CEP83: variants seen among roughly 807,000 people sequenced by gnomAD.
The protein encoded by CEP83 is centrosomal protein 83.
Under a neutral mutation model 101.9 loss-of-function variants are expected in CEP83, and 70 were observed. That is an observed-to-expected ratio of 0.69 (90% CI 0.57 to 0.84). The LOEUF is 0.84. Among genes scored for constraint, CEP83 ranks in the 40% least tolerant of loss-of-function variants. The pLI, the probability that CEP83 is intolerant of heterozygous loss-of-function variation, is 0.00. For synonymous variants in CEP83, 264 were observed against 267.9 expected (o/e 0.99, Z 0.14); for missense variants, 715 against 787.2 (o/e 0.91, Z 1.10).
the CEP83 span, among the ~76,000 whole-genome samples, chr12:94,289,844 A>G: frequency 6.6e-6 from 1 of 152,126 alleles, no homozygotes; most frequent in Non-Finnish European, 1.5e-5. Context: ...ACTCACACAT[A>G]CGCGCTCACA....
At chr12:94,311,041 C>A (rs1469947046) in intron 15 of CEP83, among the ~76,000 whole-genome samples, 1 of 152,140 alleles carries the variant, frequency 6.6e-6, no homozygotes, top group African/African-American at 2.4e-5. Context: ...CACTCTCCAA[C>A]CCCACCCCAT....
At chr12:94,435,468 C>T (rs1339281848) in intron 1 of CEP83, 141 bp from the exon 2 acceptor site, 2 of 152,256 alleles carry the variant, frequency 1.3e-5, no homozygotes, top group Admixed American at 6.5e-5. Flanking sequence ...GAGAGACAGA[C>T]CCTTTGAAAA....
At chr12:94,424,436 C>A in intron 2 of CEP83, 1 of 1,614,032 alleles carries the variant, frequency 6.2e-7, no homozygotes, top group Non-Finnish European at 8.5e-7. Flanking sequence ...CCTTGCAAAG[C>A]CAACACCTCT....
intron 2 of CEP83, chr12:94,423,611 G>T: frequency 6.5e-7 from 1 of 1,543,054 alleles, no homozygotes; most frequent in Non-Finnish European, 8.7e-7. Context: ...TGTGAAAAAC[G>T]ATGGCTAAGT....
rs1364361286 is a variant in CEP83, at chr12:94,373,851, A to T, written c.933+2035T>A. Among the ~76,000 whole-genome samples, 11 of 152,242 alleles carry T rather than the reference A, an allele frequency of 7.2e-5. No homozygotes were observed. In the East Asian group the frequency reaches 2.1e-3, roughly 29 times the overall value. ...CATTTGCTAGAATTGCAAAATGTTG[A>T]TGAAAACTTCAAGTTGCAAAGAAAA... is the stretch of plus-strand genomic sequence containing the variant. On this transcript the variant is annotated intron_variant, in intron 8 of 16. Transcript: ENST00000397809.
chr12:94,436,558 G>A (rs1227853264), intron 1 of CEP83, among the ~76,000 whole-genome samples: 1 of 152,096 alleles, frequency 6.6e-6, no homozygotes, highest in Non-Finnish European at 1.5e-5. Flanking sequence ...TTTTGGCTGG[G>A]AGCAGTGGCT....
the CEP83 span, chr12:94,297,289 G>C: frequency 1.2e-6 from 2 of 1,612,540 alleles, no homozygotes; most frequent in Non-Finnish European, 1.7e-6. Flanking sequence ...GTCTCCTTGG[G>C]TAACGCTTCT....
At chr12:94,363,698 C>A (rs914401582) in intron 11 of CEP83, among the ~76,000 whole-genome samples, 26 of 152,058 alleles carry the variant, frequency 1.7e-4, no homozygotes, top group African/African-American at 5.8e-4. Context: ...CTTGTAATCT[C>A]AGCACTTTGG....
chr12:94,286,998 T>C, the CEP83 span, among the ~76,000 whole-genome samples: 1 of 152,188 alleles, frequency 6.6e-6, no homozygotes, highest in Non-Finnish European at 1.5e-5. Flanking sequence ...GCTGACACCC[T>C]TGGCAACCCC....
At chr12:94,396,474 G>C (rs572369701) in intron 6 of CEP83, among the ~76,000 whole-genome samples, 2 of 151,728 alleles carry the variant, frequency 1.3e-5, no homozygotes, top group African/African-American at 4.8e-5. Flanking sequence ...ATTTTTAGTA[G>C]AGACGGGGTT....
chr12:94,414,665 CA>C lies in CEP83; in HGVS notation c.-101-2075del, dbSNP rs367847372. 2.4e-4 allele frequency among the ~76,000 whole-genome samples: 37 copies of C among 152,198 alleles called. 1 individual carries two copies. The South Asian group carries it at 7.7e-3, about 32-fold the overall frequency. ...CTTGTGACTTGTTTTATTGCAGTAG[CA>C]ATCCAAATAAGTTAAAATAAGGAAA... On this transcript the variant is annotated intron_variant, in intron 2 of 16. Transcript: ENST00000397809.
At chr12:94,343,374 T>A (rs1056074831) in intron 11 of CEP83, among the ~76,000 whole-genome samples, 1 of 151,662 alleles carries the variant, frequency 6.6e-6, no homozygotes, top group Admixed American at 6.6e-5. Flanking sequence ...GTCCTACCCT[T>A]GATAGATTAG....
intron 6 of CEP83, among the ~76,000 whole-genome samples, chr12:94,381,417 C>A (rs2061842354): frequency 6.6e-6 from 1 of 152,134 alleles, no homozygotes; most frequent in Non-Finnish European, 1.5e-5. Context: ...ACTTACTTGA[C>A]AGATAAGACA....
intron 1 of CEP83, among the ~76,000 whole-genome samples, chr12:94,455,519 CTT>C (rs947702706): frequency 7.9e-5 from 12 of 152,298 alleles, no homozygotes; most frequent in African/African-American, 2.6e-4. Context: ...TGAAGTAACT[CTT>C]TGTTATAAGC....
At chr12:94,395,345 C>G (rs185541726) in intron 6 of CEP83, among the ~76,000 whole-genome samples, 10 of 149,362 alleles carry the variant, frequency 6.7e-5, no homozygotes, top group African/African-American at 2.5e-4. Context: ...AAAAAAAAAT[C>G]AGACATATGA....
Position 94,349,651 on chromosome 12 carries a change from A to G in CEP83, c.1344-13987T>C, listed in dbSNP as rs1187373302. 2.0e-5 allele frequency among the ~76,000 whole-genome samples: 3 copies of G among 152,224 alleles called. 1 individual carries two copies. In the East Asian group the frequency reaches 5.8e-4, roughly 29 times the overall value. ...TAATAAAGCCATATATGAAAAAGCC[A>G]CAGTGAGTATCATAAGCAATGGTGA... On this transcript the variant is annotated intron_variant, in intron 11 of 16. Coordinates refer to ENST00000397809, the MANE Select transcript of CEP83 (RefSeq NM_016122.3).
chr12:94,348,215 G>GA (rs1223327225), intron 11 of CEP83, among the ~76,000 whole-genome samples: 4 of 151,480 alleles, frequency 2.6e-5, no homozygotes, highest in African/African-American at 7.3e-5. Flanking sequence ...CATTGAAACA[G>GA]AAAAAAAATT....
intron 9 of CEP83, 29 bp downstream of exon 9, chr12:94,369,893 C>T (rs756254307): frequency 9.1e-7 from 1 of 1,100,884 alleles, no homozygotes; most frequent in South Asian, 1.4e-5. Flanking sequence ...TAAGCAGCAG[C>T]AGCAGCAGCA....
At chr12:94,451,806 C>T (rs1336258165) in intron 1 of CEP83, among the ~76,000 whole-genome samples, 1 of 152,034 alleles carries the variant, frequency 6.6e-6, no homozygotes, top group Admixed American at 6.6e-5. Flanking sequence ...GGAATTTACC[C>T]AAAACAAATG....
Sources: gnomAD v4.1 joint callset for allele counts (sites outside exome capture counted in the v4.1 genomes callset) on GRCh38, gnomAD v4.1.1 for gene constraint, MANE v1.5 for transcripts, NCBI Gene and HGNC (gene_info 2026-07-23, HGNC 2026-07-21) for gene names.